SLC26A11: variants seen among roughly 807,000 people sequenced by gnomAD.
SLC26A11 encodes the protein solute carrier family 26 member 11.
In SLC26A11, 58 loss-of-function variants were observed where a neutral mutation model predicts 62.2. That is an observed-to-expected ratio of 0.93 (90% confidence interval 0.76 to 1.16). SLC26A11 has a LOEUF of 1.16. Among genes scored for constraint, SLC26A11 ranks in the 50% most tolerant of loss-of-function variants. The pLI is 0.00. For missense variants in SLC26A11, 790 were observed against 794.3 expected, an observed-to-expected ratio of 0.99 and a Z score of 0.06; for synonymous variants, 411 against 368.9, an observed-to-expected ratio of 1.11 and a Z score of -1.31.
rs779092910 is a variant in SLC26A11, at chr17:80,221,641, T to G, written c.81T>G (p.Pro27=). ...CCCCGAGCGCCTGCTGCTGCTCCCC[T>G]GCGGCCCTGCAGAGGAGGCTGCCCA... ...GMAPSACCCS[P]AALQRRLPIL... is the part of the protein sequence containing the mutation. Residue 27 remains proline, a synonymous_variant, in exon 3 of 18, where the codon CCT becomes CCG. Transcript: ENST00000361193. 3 of 1,611,990 alleles carry G rather than the reference T, an allele frequency of 1.9e-6. No homozygotes were observed. Among genetic ancestry groups the G allele is most frequent in the Non-Finnish European group, 2.5e-6 (3 of 1,179,870 alleles).
intron 7 of SLC26A11, among the ~76,000 whole-genome samples, chr17:80,233,488 A>G (rs1193090097): frequency 6.6e-6 from 1 of 151,968 alleles, no homozygotes; most frequent in African/African-American, 2.4e-5. Flanking sequence ...ATTCCTTTGT[A>G]CAAATCCAGA....
At chr17:80,233,629 G>A (rs2042618444) in intron 7 of SLC26A11, among the ~76,000 whole-genome samples, 1 of 149,104 alleles carries the variant, frequency 6.7e-6, no homozygotes, top group African/African-American at 2.5e-5. Flanking sequence ...CACTCAGGCT[G>A]GAATGCAGTG....
Position 80,223,503 on chromosome 17 carries a change from C to G in SLC26A11, c.513+166C>G, listed in dbSNP as rs1331635050. Among the ~76,000 whole-genome samples the G allele has an allele frequency of 2.0e-5, 3 of 152,164 alleles. No individual in the cohort carries two copies. Among genetic ancestry groups the G allele is most frequent in the Non-Finnish European group, 4.4e-5 (3 of 68,036 alleles). The stretch of plus-strand genomic sequence containing the variant: ...GAAGCACGCGGTGCTCTCATGGGTC[C>G]CCTGTTAATAAAATGACCCTCCTGG... On this transcript the variant is annotated intron_variant, in intron 5 of 17. Coordinates refer to ENST00000361193, the MANE Select transcript of SLC26A11 (RefSeq NM_001166347.2). The surrounding 1 kb of genome is among the most constrained non-coding windows in gnomAD (Gnocchi z 4.6).
intron 7 of SLC26A11, among the ~76,000 whole-genome samples, chr17:80,229,061 CCTT>C (rs777098603): frequency 6.6e-6 from 1 of 152,236 alleles, no homozygotes; most frequent in Non-Finnish European, 1.5e-5. Context: ...TGACTCCAAA[CCTT>C]CTCAGAGCCG....
chr17:80,241,696 G>C, intron 9 of SLC26A11, 75 bp from the exon 10 acceptor site: 1 of 1,443,608 alleles, frequency 6.9e-7, no homozygotes. Context: ...TTCATAATCT[G>C]TGTTACATTT....
At position 80,252,707 on chromosome 17, in the gene SLC26A11, C is replaced by T. The variant is rs77147266; in HGVS notation, c.1812C>T (p.Leu604=). The change falls in exon 18 of 18, where the codon CTC becomes CTT. Residue 604 remains leucine, a synonymous_variant. Transcript: ENST00000361193. The surrounding 1 kb of genome is among the most constrained non-coding windows in gnomAD (Gnocchi z 5.2). Reference sequence around the variant, plus strand: ...TTCTGGACCAAAAGGTTGCCCTGCTCAAGGCATAATGGGGCCACCCGTGGG... The same window carrying T: ...TTCTGGACCAAAAGGTTGCCCTGCTTAAGGCATAATGGGGCCACCCGTGGG... ...DSILDQKVAL[L]KA is the part of the protein sequence containing the mutation. 25 of 1,613,548 alleles carry T rather than the reference C, an allele frequency of 1.5e-5. No homozygotes were observed. Among genetic ancestry groups the T allele is most frequent in the Non-Finnish European group, 2.0e-5 (24 of 1,179,918 alleles).
chr17:80,251,441 T>C (rs765032614), intron 17 of SLC26A11, 40 bp downstream of exon 17: 10 of 1,611,236 alleles, frequency 6.2e-6, no homozygotes, highest in Non-Finnish European at 5.1e-6. Flanking sequence ...GGTGATTTTG[T>C]AAAAATCATA....
At chr17:80,251,177 C>A in intron 16 of SLC26A11, 152 bp from the exon 17 acceptor site, 3 of 1,481,128 alleles carry the variant, frequency 2.0e-6, no homozygotes, top group Non-Finnish European at 1.8e-6. Flanking sequence ...TGACAGCATT[C>A]CCCTGGGGCT....
At position 80,222,690 on chromosome 17, in the gene SLC26A11, G is replaced by GT. The variant is rs1475526408; in HGVS notation, c.271dup (p.Tyr91LeufsTer29). On this transcript the variant is annotated frameshift_variant, in exon 4 of 18. Transcript: ENST00000361193. LOFTEE classifies it high-confidence loss of function. The surrounding 1 kb of genome is among the most constrained non-coding windows in gnomAD (Gnocchi z 4.7). ...ACTCTGCCTTCATGGGCTGCTTCGT[G>GT]TATTTCTTCCTGGGCACCTCCCGGG... 1.2e-6 allele frequency: 2 copies of GT among 1,614,100 alleles called. No individual in the cohort carries two copies. Among genetic ancestry groups the GT allele is most frequent in the Admixed American group, 3.3e-5 (2 of 60,010 alleles).
rs1376966607 is a variant in SLC26A11 at position 80,223,235 on chromosome 17, C to A, written c.428-17C>A. ...GTGGAGCCGGGACCAGCTCGATGTC[C>A]CCTCTTGGCTGGCCAGGGTTCCTGC... is the stretch of plus-strand genomic sequence containing the variant. On this transcript the variant is annotated splice_polypyrimidine_tract_variant and intron_variant, in intron 4 of 17. Coordinates refer to ENST00000361193, the MANE Select transcript of SLC26A11 (RefSeq NM_001166347.2). This position sits in a 1 kb window ranked among gnomAD's most constrained non-coding sequence, Gnocchi z 4.6. 1 of 1,612,150 alleles carries A rather than the reference C, an allele frequency of 6.2e-7. No individual in the cohort carries two copies. Among genetic ancestry groups the A allele is most frequent in the East Asian group, 2.2e-5 (1 of 44,862 alleles).
Position 80,246,201 on chromosome 17 carries a change from T to C in SLC26A11, c.1145T>C (p.Leu382Pro), listed in dbSNP as rs768502056. 1.2e-6 allele frequency: 2 copies of C among 1,611,420 alleles called. No individual in the cohort carries two copies. Among genetic ancestry groups the C allele is most frequent in the African/African-American group, 1.3e-5 (1 of 74,974 alleles). ...GGGGTGTGCACCCCGGCGGGGGGCC[T>C]GGTGACGGGTAAGGCCCCCCATCTT... ...QSGVCTPAGG[L>P]VTGVLVLLSL... The change falls in exon 12 of 18, where the codon CTG (leucine) becomes CCG (proline). Residue 382 changes from leucine to proline, a missense_variant. Transcript: ENST00000361193. The surrounding 1 kb of genome is among the most constrained non-coding windows in gnomAD (Gnocchi z 4.4).
intron 8 of SLC26A11, 59 bp from the exon 9 acceptor site, chr17:80,237,463 G>A: frequency 2.7e-6 from 4 of 1,503,094 alleles, no homozygotes; most frequent in Non-Finnish European, 3.6e-6. Context: ...GCTTTCATGG[G>A]TCACTGCTGG....
Position 80,227,903 on chromosome 17 carries a change from C to G in SLC26A11, c.679C>G (p.Pro227Ala). The change falls in exon 7 of 18, where the codon CCC (proline) becomes GCC (alanine). Residue 227 changes from proline to alanine, a missense_variant. Pro to Ala is a conservative substitution (Grantham distance 27). Coordinates refer to ENST00000361193, the MANE Select transcript of SLC26A11 (RefSeq NM_001166347.2). Reference protein sequence around the residue: ...LMRDHVPPVHPEMPPGVRLSR... With the variant: ...LMRDHVPPVHAEMPPGVRLSR... ...GCGGGACCACGTGCCTCCCGTCCAC[C>G]CCGAGATGCCCCCTGGTGTGCGGCT... 6.2e-7 allele frequency: 1 copy of G among 1,601,500 alleles called. No individual in the cohort carries two copies.
Position 80,228,142 on chromosome 17 carries a change from T to C in SLC26A11, c.736+182T>C, listed in dbSNP as rs1344265511. On this transcript the variant is annotated intron_variant, in intron 7 of 17. Coordinates refer to ENST00000361193, the MANE Select transcript of SLC26A11 (RefSeq NM_001166347.2). This position sits in a 1 kb window ranked among gnomAD's most constrained non-coding sequence, Gnocchi z 4.1. ...ACTTTTTATTTAATTAATTAATTAA[T>C]TATTTTTTGAGACAGAGTTTCGCTC... Among the ~76,000 whole-genome samples, 1 of 152,142 alleles carries C rather than the reference T, an allele frequency of 6.6e-6. No individual in the cohort carries two copies. The highest frequency in any genetic ancestry group is 1.5e-5 in the Non-Finnish European group (1 of 68,032).
chr17:80,244,325 C>T (rs983225795), intron 10 of SLC26A11, among the ~76,000 whole-genome samples: 7 of 152,234 alleles, frequency 4.6e-5, no homozygotes, highest in African/African-American at 1.4e-4. Context: ...AGGCAGCATA[C>T]TGGCCATGAC....
Position 80,223,234 on chromosome 17 carries a change from C to G in SLC26A11, c.428-18C>G, listed in dbSNP as rs772130174. 8 of 1,611,648 alleles carry G rather than the reference C, an allele frequency of 5.0e-6. No homozygotes were observed. The South Asian group carries it at 6.6e-5, about 13-fold the overall frequency. On this transcript the variant is annotated intron_variant, in intron 4 of 17. Coordinates refer to ENST00000361193, the MANE Select transcript of SLC26A11 (RefSeq NM_001166347.2). The surrounding 1 kb of genome is among the most constrained non-coding windows in gnomAD (Gnocchi z 4.6). Reference sequence around the variant, plus strand: ...GGTGGAGCCGGGACCAGCTCGATGTCCCCTCTTGGCTGGCCAGGGTTCCTG... The same window carrying G: ...GGTGGAGCCGGGACCAGCTCGATGTGCCCTCTTGGCTGGCCAGGGTTCCTG...
chr17:80,245,908 CAG>C (rs1567964893), intron 11 of SLC26A11, among the ~76,000 whole-genome samples: 1 of 152,238 alleles, frequency 6.6e-6, no homozygotes, highest in Admixed American at 6.5e-5. Flanking sequence ...GGGCAGGAGA[CAG>C]AGTCGGCAGG....
Position 80,246,198 on chromosome 17 carries a change from G to C in SLC26A11, c.1142G>C (p.Gly381Ala). The change falls in exon 12 of 18, where the codon GGC becomes GCC. Residue 381 changes from glycine to alanine, a missense_variant. By Grantham distance (60) the Gly-to-Ala change is moderately conservative (BLOSUM62 0). Coordinates refer to ENST00000361193, the MANE Select transcript of SLC26A11 (RefSeq NM_001166347.2). This position sits in a 1 kb window ranked among gnomAD's most constrained non-coding sequence, Gnocchi z 4.4. ...AQSGVCTPAG[G>A]LVTGVLVLLS... Reference sequence around the variant, plus strand: ...TCGGGGGTGTGCACCCCGGCGGGGGGCCTGGTGACGGGTAAGGCCCCCCAT... The same window carrying C: ...TCGGGGGTGTGCACCCCGGCGGGGGCCCTGGTGACGGGTAAGGCCCCCCAT... 2 of 1,611,918 alleles carry C rather than the reference G, an allele frequency of 1.2e-6. No homozygotes were observed. Among genetic ancestry groups the C allele is most frequent in the Non-Finnish European group, 1.7e-6 (2 of 1,179,534 alleles).
intron 16 of SLC26A11, 150 bp from the exon 17 acceptor site, chr17:80,251,179 C>A: frequency 6.6e-7 from 1 of 1,509,380 alleles, no homozygotes; most frequent in African/African-American, 1.4e-5. Context: ...ACAGCATTCC[C>A]CTGGGGCTGC....
Sources: allele counts gnomAD v4.1 joint callset (sites outside exome capture counted in the v4.1 genomes callset), GRCh38; gene constraint gnomAD v4.1.1; non-coding constraint Gnocchi (gnomAD v3.1); transcripts MANE v1.5; gene names NCBI Gene and HGNC (gene_info 2026-07-23, HGNC 2026-07-21).